Variants in BTBD9 observed in about 807,000 individuals in gnomAD.
BTBD9 encodes BTB domain containing 9, also known as BTB/POZ domain-containing protein 9.
BTBD9 carries 49 observed loss-of-function variants against 64.3 expected under a neutral mutation model. That is an observed-to-expected ratio of 0.76 (90% CI 0.61 to 0.97). The LOEUF (loss-of-function observed/expected upper bound fraction) is 0.97, where lower values mean the gene tolerates loss of function less well. BTBD9 is among the 50% of genes least tolerant of loss of function. BTBD9 has a pLI of 0.00. For synonymous variants in BTBD9, 260 were observed against 274.7 expected (o/e 0.95, Z 0.53); for missense variants, 598 against 762.1 (o/e 0.78, Z 2.53).
intron 6 of BTBD9, among the ~76,000 whole-genome samples, chr6:38,487,972 G>A (rs756187876): frequency 2.6e-5 from 4 of 152,162 alleles, no homozygotes; most frequent in Non-Finnish European, 4.4e-5. Flanking sequence ...GGTGCACAAA[G>A]TATGAAATAG....
At chr6:38,298,854 TC>T (rs1313777431) in intron 7 of BTBD9, among the ~76,000 whole-genome samples, 5 of 136,180 alleles carry the variant, frequency 3.7e-5, no homozygotes, top group Non-Finnish European at 6.1e-5. Flanking sequence ...AGTATTTCAT[TC>T]TTTTTTTTTT....
intron 6 of BTBD9, among the ~76,000 whole-genome samples, chr6:38,441,046 C>A (rs1769006965): frequency 6.6e-6 from 1 of 152,124 alleles, no homozygotes; most frequent in African/African-American, 2.4e-5. Flanking sequence ...CCTATGAAGG[C>A]AATAAAGAGA....
intron 6 of BTBD9, among the ~76,000 whole-genome samples, chr6:38,446,591 C>T (rs960272523): frequency 1.3e-5 from 2 of 152,168 alleles, no homozygotes; most frequent in African/African-American, 2.4e-5. Flanking sequence ...TTTCATGGAA[C>T]GACCCTAGTC....
At chr6:38,215,474 C>A (rs183796375) in intron 9 of BTBD9, among the ~76,000 whole-genome samples, 1 of 152,322 alleles carries the variant, frequency 6.6e-6, no homozygotes, top group South Asian at 2.1e-4. Context: ...GAGCACTCAT[C>A]CCCTCAAGAG....
At chr6:38,234,759 G>A (rs748113629) in intron 9 of BTBD9, among the ~76,000 whole-genome samples, 30 of 152,198 alleles carry the variant, frequency 2.0e-4, no homozygotes, top group Admixed American at 2.0e-4. Context: ...CAGAACCATG[G>A]CTAAGAGCCA....
chr6:38,335,995 C>T (rs1053691136), intron 7 of BTBD9, among the ~76,000 whole-genome samples: 1 of 152,154 alleles, frequency 6.6e-6, no homozygotes, highest in Non-Finnish European at 1.5e-5. Context: ...CTCAGCCTCC[C>T]AAACTGCTGT....
At chr6:38,296,926 TTCTTATGAATG>T (rs1432083116) in intron 7 of BTBD9, among the ~76,000 whole-genome samples, 6 of 152,248 alleles carry the variant, frequency 3.9e-5, no homozygotes, top group Non-Finnish European at 8.8e-5. Flanking sequence ...ACATGGCTAA[TTCTTATGAATG>T]TCTTATGTGT....
chr6:38,541,784 T>C (rs991941166), intron 6 of BTBD9, among the ~76,000 whole-genome samples: 1 of 152,174 alleles, frequency 6.6e-6, no homozygotes, highest in Admixed American at 6.5e-5. Flanking sequence ...TTGACCCACA[T>C]TGAAATCTCT....
intron 1 of BTBD9, among the ~76,000 whole-genome samples, chr6:38,599,635 T>C (rs1275187591): frequency 2.0e-5 from 3 of 152,232 alleles, no homozygotes; most frequent in Non-Finnish European, 4.4e-5. Flanking sequence ...CCACACCTTT[T>C]TGAGCTCTCC....
intron 6 of BTBD9, among the ~76,000 whole-genome samples, chr6:38,356,044 T>C (rs527268603): frequency 6.6e-6 from 1 of 152,300 alleles, no homozygotes; most frequent in African/African-American, 2.4e-5. Flanking sequence ...CTAGTTTTGC[T>C]TTTGAGAAGC....
intron 6 of BTBD9, among the ~76,000 whole-genome samples, chr6:38,356,349 A>T (rs1457078061): frequency 6.6e-6 from 1 of 152,112 alleles, no homozygotes; most frequent in African/African-American, 2.4e-5. Flanking sequence ...AGTTTTCAGT[A>T]TTGGACTTCC....
At chr6:38,496,469 T>C (rs1431178854) in intron 6 of BTBD9, among the ~76,000 whole-genome samples, 1 of 151,242 alleles carries the variant, frequency 6.6e-6, no homozygotes, top group Non-Finnish European at 1.5e-5. Context: ...ACAGGGAGAC[T>C]CTGTCACTAC....
chr6:38,460,268 T>C (rs1770015281), intron 6 of BTBD9, among the ~76,000 whole-genome samples: 1 of 152,208 alleles, frequency 6.6e-6, no homozygotes, highest in Admixed American at 6.5e-5. Context: ...TTTTCTTCCT[T>C]TCCAATTTAG....
chr6:38,478,709 A>G (rs996907941), intron 6 of BTBD9, among the ~76,000 whole-genome samples: 1 of 152,238 alleles, frequency 6.6e-6, no homozygotes, highest in Non-Finnish European at 1.5e-5. Flanking sequence ...TTATTTCAGA[A>G]GCTACAGGGA....
intron 6 of BTBD9, chr6:38,482,152 T>C (rs1204240361): frequency 6.6e-6 from 1 of 152,272 alleles, no homozygotes; most frequent in Non-Finnish European, 1.5e-5. Context: ...GGCACAAGTC[T>C]GCTTAAGCCA....
intron 6 of BTBD9, among the ~76,000 whole-genome samples, chr6:38,421,871 T>G (rs1045116094): frequency 6.6e-6 from 1 of 152,152 alleles, no homozygotes; most frequent in Admixed American, 6.5e-5. Context: ...AAATATGAAA[T>G]GCAGAAAACT....
intron 8 of BTBD9, among the ~76,000 whole-genome samples, chr6:38,258,849 C>G (rs192862960): frequency 6.6e-6 from 1 of 152,280 alleles, no homozygotes; most frequent in Admixed American, 6.5e-5. Flanking sequence ...GAGATCATAC[C>G]ACTGCACTCT....
intron 9 of BTBD9, among the ~76,000 whole-genome samples, chr6:38,242,456 A>G (rs535752041): frequency 3.9e-5 from 6 of 152,340 alleles, no homozygotes; most frequent in African/African-American, 1.4e-4. Context: ...AACTTGGGAA[A>G]GGCACCTGTG....
chr6:38,365,699 G>A (rs1765155967), intron 6 of BTBD9, among the ~76,000 whole-genome samples: 1 of 151,470 alleles, frequency 6.6e-6, no homozygotes, highest in African/African-American at 2.4e-5. Flanking sequence ...TTGAGGTTGT[G>A]GTGAACCAAG....
Sources: gnomAD v4.1 joint callset for allele counts (sites outside exome capture counted in the v4.1 genomes callset) on GRCh38, gnomAD v4.1.1 for gene constraint, MANE v1.5 for transcripts, NCBI Gene and HGNC (gene_info 2026-07-23, HGNC 2026-07-21) for gene names.